Variants in UBASH3A observed in about 807,000 individuals in gnomAD.
UBASH3A encodes ubiquitin-associated and SH3 domain-containing protein A.
UBASH3A carries 63 observed loss-of-function variants against 73.5 expected under a neutral mutation model. The observed-to-expected ratio is 0.86, with a 90% CI of 0.70 to 1.06. UBASH3A has a LOEUF of 1.06. UBASH3A is among the 50% of genes least tolerant of loss of function. The pLI is 0.00. For synonymous variants in UBASH3A, 363 were observed against 351.1 expected, an observed-to-expected ratio of 1.03 and a Z score of -0.38; for missense variants, 860 against 859.0, an observed-to-expected ratio of 1.00 and a Z score of -0.02.
At chr21:42,410,399 G>A (rs2053066498) in intron 3 of UBASH3A, 1 of 551,344 alleles carries the variant, frequency 1.8e-6, no homozygotes, top group Non-Finnish European at 3.2e-6. Flanking sequence ...TTCCATCAGG[G>A]CCCAAGGAAC....
intron 1 of UBASH3A, among the ~76,000 whole-genome samples, chr21:42,405,195 A>G (rs1429277685): frequency 1.3e-5 from 2 of 152,176 alleles, no homozygotes; most frequent in Admixed American, 1.3e-4. Flanking sequence ...TGTTCAAGCT[A>G]AGCCAGGGGC....
chr21:42,426,799 TAGC>T lies in UBASH3A; in HGVS notation c.1153_1155del (p.Ser385del). 1 of 1,614,206 alleles carries T rather than the reference TAGC, an allele frequency of 6.2e-7. No homozygotes were observed. Among genetic ancestry groups the T allele is most frequent in the Non-Finnish European group, 8.5e-7 (1 of 1,180,024 alleles). ...TTCTTCCACAAACGGCAAGGAGTCT[TAGC>T]AGCTTACAGGCCTTGCAGGTAATAG... On this transcript the variant is annotated inframe_deletion, in exon 8 of 15. Transcript: ENST00000319294.
At position 42,418,579 on chromosome 21, in the gene UBASH3A, C is replaced by A; in HGVS notation, c.1016C>A (p.Ala339Asp). 1 of 1,614,164 alleles carries A rather than the reference C, an allele frequency of 6.2e-7. No individual in the cohort carries two copies. Among genetic ancestry groups the A allele is most frequent in the Non-Finnish European group, 8.5e-7 (1 of 1,180,034 alleles). ...CTGCCGGAAAACTACACGGATCGAG[C>A]CAGTGAGTCTGACACGTGGGTGAAG... ...GFLPENYTDRASESDTWVKHR... is the reference protein window; with the variant it reads ...GFLPENYTDRDSESDTWVKHR... The change falls in exon 7 of 15, where the codon GCC (alanine) becomes GAC (aspartate). Residue 339 changes from alanine (A) to aspartate (D), a missense_variant. By Grantham distance (126) the Ala-to-Asp change is moderately radical. Transcript: ENST00000319294.
chr21:42,414,592 C>T (rs1391992375), intron 5 of UBASH3A, among the ~76,000 whole-genome samples: 1 of 152,134 alleles, frequency 6.6e-6, no homozygotes, highest in African/African-American at 2.4e-5. Flanking sequence ...GGAGGTCACA[C>T]TGCATTAGGG....
intron 11 of UBASH3A, among the ~76,000 whole-genome samples, chr21:42,439,580 C>G (rs1023361607): frequency 6.6e-6 from 1 of 152,084 alleles, no homozygotes; most frequent in African/African-American, 2.4e-5. Context: ...CAGCTCCACC[C>G]GAGGGCAAGC....
intron 3 of UBASH3A, chr21:42,410,618 C>G (rs2053071214): frequency 5.2e-6 from 1 of 194,116 alleles, no homozygotes; most frequent in South Asian, 1.9e-4. Context: ...GAGTTTTCCC[C>G]CTACATCGAC....
chr21:42,426,744 G>A lies in UBASH3A; in HGVS notation c.1094G>A (p.Gly365Asp). 6.2e-7 allele frequency: 1 copy of A among 1,614,164 alleles called. No individual in the cohort carries two copies. The highest frequency in any genetic ancestry group is 2.2e-5 in the East Asian group (1 of 44,888). ...LATDLNSRKD[G>D]EASSRCSGEF... Reference sequence around the variant, plus strand: ...ACAGACCTGAACTCCAGAAAGGATGGTGAAGCCAGCAGCAGATGCAGCGGG... The same window carrying A: ...ACAGACCTGAACTCCAGAAAGGATGATGAAGCCAGCAGCAGATGCAGCGGG... The change falls in exon 8 of 15, where the codon GGT (glycine) becomes GAT (aspartate). Residue 365 changes from glycine (G) to aspartate (D), a missense_variant. By Grantham distance (94) the Gly-to-Asp change is moderately conservative (BLOSUM62 -1). Transcript: ENST00000319294.
rs143166994 is a variant in UBASH3A at position 42,443,317 on chromosome 21, C to T, written c.1637C>T (p.Ala546Val). The T allele has an allele frequency of 9.7e-5, 157 of 1,612,676 alleles. 1 individual carries two copies. The Middle Eastern group carries it at 9.9e-4, about 10-fold the overall frequency. The part of the protein sequence containing the change: ...NFNIDTDYRP[A>V]FPLSALMPAE... ...TCTCCTTCTCATCCTTCCAGGCCCGCGTTTCCCCTGTCCGCCCTCATGCCG... is the reference window on the plus strand; with the variant it reads ...TCTCCTTCTCATCCTTCCAGGCCCGTGTTTCCCCTGTCCGCCCTCATGCCG... The change falls in exon 13 of 15, where the codon GCG (alanine) becomes GTG (valine). Residue 546 changes from alanine to valine, a missense_variant. Transcript: ENST00000319294.
intron 3 of UBASH3A, chr21:42,410,289 C>T (rs2053063458): frequency 4.7e-6 from 3 of 634,538 alleles, no homozygotes; most frequent in African/African-American, 1.8e-5. Context: ...TACTCAGCTC[C>T]GCCAGAGGGG....
Position 42,426,708 on chromosome 21 carries a change from T to G in UBASH3A, c.1058T>G (p.Phe353Cys), listed in dbSNP as rs141607690. ...TCCTTCCCCTGCAGGATGTACACCT[T>G]CAGTCTAGCCACAGACCTGAACTCC... ...DTWVKHRMYT[F>C]SLATDLNSRK... The change falls in exon 8 of 15, where the codon TTC (phenylalanine) becomes TGC (cysteine). Residue 353 changes from phenylalanine (F) to cysteine (C), a missense_variant. Phe to Cys is a radical substitution (Grantham distance 205). Coordinates refer to ENST00000319294, the MANE Select transcript of UBASH3A (RefSeq NM_018961.4). 17 of 1,613,816 alleles carry G rather than the reference T, an allele frequency of 1.1e-5. No homozygotes were observed. The African/African-American group carries it at 2.0e-4, about 19-fold the overall frequency.
intron 3 of UBASH3A, among the ~76,000 whole-genome samples, chr21:42,412,306 T>C (rs1392332179): frequency 1.3e-5 from 2 of 152,060 alleles, no homozygotes; most frequent in Non-Finnish European, 2.9e-5. Context: ...ACAGAGAGCC[T>C]GCGGCCTCAG....
rs776729586 is a variant in UBASH3A at position 42,443,372 on chromosome 21, G to T, written c.1692G>T (p.Arg564Ser). 2.3e-5 allele frequency: 37 copies of T among 1,613,366 alleles called. No individual in the cohort carries two copies. The highest frequency in any genetic ancestry group is 1.4e-5 in the Non-Finnish European group (16 of 1,179,732). Residue 564 changes from arginine to serine, a missense_variant, in exon 13 of 15, where the codon AGG (arginine) becomes AGT (serine). Transcript: ENST00000319294. The stretch of plus-strand genomic sequence containing the variant: ...AGAGCTACCAGGAGTACATGGACAG[G>T]TGCACGGCGAGCATGGTGCAAATCG... ...PAESYQEYMDRCTASMVQIVN... is the reference protein window; with the variant it reads ...PAESYQEYMDSCTASMVQIVN...
At chr21:42,431,209 G>A (rs2053522574) in intron 8 of UBASH3A, among the ~76,000 whole-genome samples, 1 of 152,190 alleles carries the variant, frequency 6.6e-6, no homozygotes, top group Admixed American at 6.5e-5. Context: ...AGCATGGGGA[G>A]AAGGGTGGCC....
chr21:42,406,173 G>C lies in UBASH3A; in HGVS notation c.114-135G>C. The C allele has an allele frequency of 1.2e-5, 9 of 761,380 alleles. No individual in the cohort carries two copies. In the South Asian group the frequency reaches 1.3e-4, roughly 11 times the overall value. The allele number at this position is 761,380 out of a possible 1,614,324, so 47.2% of individuals were successfully genotyped here. On this transcript the variant is annotated intron_variant, in intron 1 of 14. Coordinates refer to ENST00000319294, the MANE Select transcript of UBASH3A (RefSeq NM_018961.4). ...CAGGGGACAGGCGCTAGAACTTCCA[G>C]CTGGAAGTTCAGCATCAGGCCCTCT...
chr21:42,405,638 C>G (rs1163203734), intron 1 of UBASH3A, among the ~76,000 whole-genome samples: 2 of 152,194 alleles, frequency 1.3e-5, no homozygotes, highest in Non-Finnish European at 2.9e-5. Context: ...CCCGCTGTTT[C>G]CAGTCTGCAT....
At chr21:42,442,885 T>A (rs549058742) in intron 12 of UBASH3A, among the ~76,000 whole-genome samples, 2 of 152,196 alleles carry the variant, frequency 1.3e-5, no homozygotes, top group African/African-American at 4.8e-5. Context: ...GCCAAGGTGA[T>A]CAGACATCAC....
At chr21:42,418,374 C>A in intron 6 of UBASH3A, 27 bp from the exon 7 acceptor site, 1 of 1,596,286 alleles carries the variant, frequency 6.3e-7, no homozygotes, top group Non-Finnish European at 8.6e-7. Context: ...TTGCTCGAGA[C>A]GTGAAACCCC....
intron 7 of UBASH3A, among the ~76,000 whole-genome samples, chr21:42,419,807 C>T (rs1244895150): frequency 6.6e-6 from 1 of 152,206 alleles, no homozygotes; most frequent in Non-Finnish European, 1.5e-5. Context: ...GCTACATTTT[C>T]AGTACAACAT....
Position 42,420,790 on chromosome 21 carries a change from A to T in UBASH3A, c.1046+2181A>T, listed in dbSNP as rs1052351191. Among the ~76,000 whole-genome samples, 3 of 152,384 alleles carry T rather than the reference A, an allele frequency of 2.0e-5. 1 individual carries two copies. Among genetic ancestry groups the T allele is most frequent in the East Asian group, 1.9e-4 (1 of 5,194 alleles). ...AAGTTTTTAAAAAAAAATGCCTTCC[A>T]ACTGCATAAGTCAGACCTGCTCAGA... is the stretch of plus-strand genomic sequence containing the variant. On this transcript the variant is annotated intron_variant, in intron 7 of 14. Transcript: ENST00000319294.
Sources: allele counts gnomAD v4.1 joint callset (sites outside exome capture counted in the v4.1 genomes callset), GRCh38; gene constraint gnomAD v4.1.1; transcripts MANE v1.5; gene names NCBI Gene and HGNC (gene_info 2026-07-23, HGNC 2026-07-21).